KDM4D: variants seen among roughly 807,000 people sequenced by gnomAD.
KDM4D encodes lysine demethylase 4D.
For missense variants in KDM4D, 427 were observed against 674.8 expected (o/e 0.63, Z 4.07); for synonymous variants, 254 against 249.1 (o/e 1.02, Z -0.19).
chr11:94,996,636 A>T (rs147183271), intron 2 of KDM4D, among the ~76,000 whole-genome samples: 2 of 152,238 alleles, frequency 1.3e-5, no homozygotes, highest in East Asian at 3.9e-4. Context: ...GTACTTATTC[A>T]TTCTATTGCT....
chr11:94,984,482 C>T (rs1382872518), intron 2 of KDM4D, among the ~76,000 whole-genome samples: 11 of 151,628 alleles, frequency 7.3e-5, no homozygotes, highest in Admixed American at 5.3e-4. Flanking sequence ...GCAACAGAAC[C>T]AGTCCCTTTC....
intron 1 of KDM4D, among the ~76,000 whole-genome samples, chr11:94,974,315 G>A (rs1020136507): frequency 4.6e-5 from 7 of 152,118 alleles, no homozygotes; most frequent in South Asian, 2.1e-4. Flanking sequence ...CCTACCAGTC[G>A]TCTCTCCTCC....
At chr11:94,977,810 T>C (rs781326408) in intron 2 of KDM4D, among the ~76,000 whole-genome samples, 2 of 152,132 alleles carry the variant, frequency 1.3e-5, no homozygotes, top group African/African-American at 4.8e-5. Context: ...CTCAGTAATA[T>C]AGGTCAAGCA....
chr11:94,989,502 A>T (rs782216605), intron 2 of KDM4D, among the ~76,000 whole-genome samples: 3 of 152,180 alleles, frequency 2.0e-5, no homozygotes, highest in Non-Finnish European at 4.4e-5. Flanking sequence ...TCAATTTATT[A>T]TATGTCAGAA....
chr11:94,997,953 A>C lies in KDM4D; in HGVS notation c.581A>C (p.Glu194Ala), dbSNP rs1384115794. ...AAAACCACGTTTGCTTGGCATACAG[A>C]GGACATGGACCTTTACAGCATCAAC... ...MWKTTFAWHT[E>A]DMDLYSINYL... The change falls in exon 3 of 3, where the codon GAG becomes GCG. Residue 194 changes from glutamate (E) to alanine (A), a missense_variant. Glu to Ala is a moderately radical substitution (Grantham distance 107). Transcript: ENST00000335080. The C allele has an allele frequency of 6.2e-7, 1 of 1,614,100 alleles. No individual in the cohort carries two copies. Among genetic ancestry groups the C allele is most frequent in the African/African-American group, 1.3e-5 (1 of 74,942 alleles).
intron 2 of KDM4D, among the ~76,000 whole-genome samples, chr11:94,991,461 G>A (rs1242836588): frequency 6.6e-6 from 1 of 152,116 alleles, no homozygotes; most frequent in Admixed American, 6.5e-5. Flanking sequence ...TGAGATTTTA[G>A]TATTTCTAGA....
In KDM4D at chr11:94,998,795, C is replaced by G; in HGVS notation, c.1423C>G (p.Leu475Val). The change falls in exon 3 of 3, where the codon CTC becomes GTC. Residue 475 changes from leucine to valine, a missense_variant. Transcript: ENST00000335080. This position sits in a 1 kb window ranked among gnomAD's most constrained non-coding sequence, Gnocchi z 6.7. The part of the protein sequence containing the change: ...LTLQTPAKRP[L>V]LAGTTCTASG... ...CCTCCAGACTCCAGCCAAGAGGCCC[C>G]TCTTGGCGGGCACAACATGCACAGC... The G allele has an allele frequency of 6.2e-7, 1 of 1,606,844 alleles. No individual in the cohort carries two copies. Among genetic ancestry groups the G allele is most frequent in the South Asian group, 1.1e-5 (1 of 90,646 alleles).
chr11:94,993,849 T>C (rs1320039874), intron 2 of KDM4D, among the ~76,000 whole-genome samples: 3 of 152,084 alleles, frequency 2.0e-5, no homozygotes, highest in Non-Finnish European at 4.4e-5. Flanking sequence ...TTTCTTTTCT[T>C]TAGAGCAAGT....
rs1857989306 is a variant in KDM4D, at chr11:94,997,981, C to T, written c.609C>T (p.Tyr203=). The change falls in exon 3 of 3, where the codon TAC becomes TAT. Residue 203 remains tyrosine, a synonymous_variant. Coordinates refer to ENST00000335080, the MANE Select transcript of KDM4D (RefSeq NM_018039.3). ...TEDMDLYSIN[Y]LHLGEPKTWY... ...ACATGGACCTTTACAGCATCAACTA[C>T]CTGCACCTTGGGGAGCCCAAAACTT... 2.5e-6 allele frequency: 4 copies of T among 1,614,230 alleles called. No homozygotes were observed. The highest frequency in any genetic ancestry group is 3.4e-6 in the Non-Finnish European group (4 of 1,180,046).
intron 2 of KDM4D, among the ~76,000 whole-genome samples, chr11:94,996,802 T>C (rs938845654): frequency 6.6e-6 from 1 of 152,328 alleles, no homozygotes; most frequent in East Asian, 1.9e-4. Flanking sequence ...TAGAAGAAAC[T>C]GTCCAAATAG....
At chr11:94,982,783 G>T (rs1857853251) in intron 2 of KDM4D, among the ~76,000 whole-genome samples, 1 of 151,748 alleles carries the variant, frequency 6.6e-6, no homozygotes, top group East Asian at 1.9e-4. Flanking sequence ...AAGTTCCTAA[G>T]GTTTTATCTA....
intron 2 of KDM4D, among the ~76,000 whole-genome samples, chr11:94,980,364 AAG>A (rs1356768128): frequency 1.1e-4 from 17 of 152,140 alleles, no homozygotes; most frequent in Non-Finnish European, 2.1e-4. Context: ...CCACTTTTAT[AAG>A]AGTGGCTTTG....
chr11:94,989,578 G>A (rs1857915906), intron 2 of KDM4D, among the ~76,000 whole-genome samples: 1 of 152,152 alleles, frequency 6.6e-6, no homozygotes. Flanking sequence ...TGGGTTTTAT[G>A]TCACAGTTTA....
intron 2 of KDM4D, among the ~76,000 whole-genome samples, chr11:94,995,097 T>C (rs1211615756): frequency 6.6e-6 from 1 of 152,094 alleles, no homozygotes; most frequent in Non-Finnish European, 1.5e-5. Flanking sequence ...GTGCCTACAA[T>C]ATATAAGAAA....
intron 2 of KDM4D, among the ~76,000 whole-genome samples, chr11:94,976,223 C>T (rs776085674): frequency 2.6e-5 from 4 of 152,086 alleles, no homozygotes; most frequent in Non-Finnish European, 4.4e-5. Context: ...CTTAATTCTG[C>T]CTGCCAGTCC....
intron 2 of KDM4D, among the ~76,000 whole-genome samples, chr11:94,986,504 G>C (rs963257080): frequency 1.3e-5 from 2 of 152,124 alleles, no homozygotes; most frequent in Admixed American, 1.3e-4. Flanking sequence ...GCTGAGGCAG[G>C]GGGATTACCT....
At chr11:94,985,472 A>G (rs1225298868) in intron 2 of KDM4D, among the ~76,000 whole-genome samples, 1 of 152,238 alleles carries the variant, frequency 6.6e-6, no homozygotes, top group Non-Finnish European at 1.5e-5. Context: ...TCAATGGATC[A>G]GAAAACTTAA....
intron 2 of KDM4D, among the ~76,000 whole-genome samples, chr11:94,979,367 T>A (rs1391149543): frequency 6.6e-6 from 1 of 152,052 alleles, no homozygotes; most frequent in Non-Finnish European, 1.5e-5. Flanking sequence ...GTAGCTAGGA[T>A]TACAGGTGCG....
At chr11:94,989,752 CTTTTTTTTT>C (rs587676047) in intron 2 of KDM4D, among the ~76,000 whole-genome samples, 3 of 122,826 alleles carry the variant, frequency 2.4e-5, no homozygotes, top group African/African-American at 6.1e-5. Flanking sequence ...CTCTCTCTTT[CTTTTTTTTT>C]TTTTTTTTTG....
Sources: gnomAD v4.1 joint callset for allele counts (sites outside exome capture counted in the v4.1 genomes callset) on GRCh38, gnomAD v4.1.1 for gene constraint, Gnocchi (gnomAD v3.1) non-coding constraint, MANE v1.5 for transcripts, NCBI Gene and HGNC (gene_info 2026-07-23, HGNC 2026-07-21) for gene names.